Variants in TRPM3 observed in about 807,000 individuals in gnomAD.
TRPM3 encodes transient receptor potential cation channel subfamily M member 3.
Under a neutral mutation model 181.2 loss-of-function variants are expected in TRPM3, and 77 were observed. The ratio of observed to expected loss-of-function variants is 0.42; its 90% CI spans 0.35 to 0.51. The LOEUF is 0.51. TRPM3 is among the 20% of genes least tolerant of loss of function. The probability of loss-of-function intolerance (pLI) is 0.01; values close to 1 mark genes in which losing one functional copy is unlikely to be tolerated. For missense variants in TRPM3, 1,759 were observed against 2,196.7 expected, an observed-to-expected ratio of 0.80 and a Z score of 3.98; for synonymous variants, 745 against 796.4, an observed-to-expected ratio of 0.94 and a Z score of 1.09.
intron 1 of TRPM3, among the ~76,000 whole-genome samples, chr9:71,415,336 G>A (rs1588924095): frequency 6.6e-6 from 1 of 152,010 alleles, no homozygotes; most frequent in African/African-American, 2.4e-5. Flanking sequence ...TACTCAGTTT[G>A]TGGTTGTTGT....
At chr9:70,569,130 T>C (rs987721011) in intron 22 of TRPM3, among the ~76,000 whole-genome samples, 5 of 152,218 alleles carry the variant, frequency 3.3e-5, no homozygotes, top group African/African-American at 1.2e-4. Flanking sequence ...ATATCATTTA[T>C]ATTGTGTTGG....
rs200421016 is a variant in TRPM3 at position 71,279,034 on chromosome 9, T to TAAAAAA, written c.183+167618_183+167619insTTTTTT. On this transcript the variant is annotated intron_variant, in intron 1 of 24. Coordinates refer to the TRPM3 transcript ENST00000357533. ...CCTCACCAAACTTATCCTGCTTAGG[T>TAAAAAA]TAAAAAAAATAAAAATAAAAATAAA... 9.5e-4 allele frequency among the ~76,000 whole-genome samples: 45 copies of TAAAAAA among 47,560 alleles called. 3 individuals are homozygous for TAAAAAA. The highest frequency in any genetic ancestry group is 1.8e-3 in the African/African-American group (17 of 9,620). The allele number at this position is 47,560 out of a possible 152,430, so 31.2% of individuals were successfully genotyped here. A position where few individuals can be genotyped will look rare whatever the true frequency, so the allele number is the denominator to read the frequency against.
chr9:70,741,109 G>A (rs1432361518), intron 8 of TRPM3, among the ~76,000 whole-genome samples: 4 of 151,878 alleles, frequency 2.6e-5, no homozygotes, highest in East Asian at 1.9e-4. Context: ...AAACAAATCA[G>A]CAAGGAAAAA....
chr9:71,089,253 A>G (rs1046437118), intron 1 of TRPM3, among the ~76,000 whole-genome samples: 1 of 149,976 alleles, frequency 6.7e-6, no homozygotes, highest in Non-Finnish European at 1.5e-5. Flanking sequence ...ATAGTTTGCT[A>G]TATAGTCTCT....
At chr9:70,538,868 G>T (rs2042500691) in intron 25 of TRPM3, among the ~76,000 whole-genome samples, 1 of 152,180 alleles carries the variant, frequency 6.6e-6, no homozygotes, top group African/African-American at 2.4e-5. Context: ...TAAGACAGAG[G>T]CCACATATTA....
intron 7 of TRPM3, among the ~76,000 whole-genome samples, chr9:70,770,247 C>T (rs778272962): frequency 1.3e-5 from 2 of 152,124 alleles, no homozygotes; most frequent in Non-Finnish European, 2.9e-5. Context: ...ATATTTGGTT[C>T]TATTTCTGGA....
chr9:70,675,582 A>G (rs536204816), intron 9 of TRPM3, among the ~76,000 whole-genome samples: 1 of 152,352 alleles, frequency 6.6e-6, no homozygotes, highest in South Asian at 2.1e-4. Flanking sequence ...AAATAATTGT[A>G]TGAGTTCATA....
intron 1 of TRPM3, among the ~76,000 whole-genome samples, chr9:71,378,836 A>G (rs1317069160): frequency 6.6e-6 from 1 of 152,078 alleles, no homozygotes; most frequent in East Asian, 1.9e-4. Context: ...TATACTAAAT[A>G]CTATTACAGC....
chr9:70,800,108 T>C (rs915705355), intron 6 of TRPM3, among the ~76,000 whole-genome samples: 2 of 152,174 alleles, frequency 1.3e-5, no homozygotes, highest in Non-Finnish European at 2.9e-5. Context: ...CAAGTACAAA[T>C]ATGACTTTCT....
chr9:71,300,604 G>T (rs191445641), intron 1 of TRPM3, among the ~76,000 whole-genome samples: 42 of 152,134 alleles, frequency 2.8e-4, no homozygotes, highest in African/African-American at 9.9e-4. Context: ...TTTTAAAGAT[G>T]ATGCTGGTTT....
chr9:71,010,345 A>G (rs2134356437), intron 1 of TRPM3, among the ~76,000 whole-genome samples: 1 of 152,300 alleles, frequency 6.6e-6, no homozygotes, highest in South Asian at 2.1e-4. Flanking sequence ...ACAAGGGGTT[A>G]ATATCCAGAA....
chr9:71,182,069 C>A (rs542627511), intron 1 of TRPM3, among the ~76,000 whole-genome samples: 7 of 152,222 alleles, frequency 4.6e-5, no homozygotes, highest in East Asian at 1.9e-4. Flanking sequence ...TTGCACATAA[C>A]TCAGATGTCT....
At chr9:71,432,323 CTTTTTTTTTTTT>C (rs67905820) in intron 1 of TRPM3, among the ~76,000 whole-genome samples, 5 of 76,620 alleles carry the variant, frequency 6.5e-5, no homozygotes, top group Non-Finnish European at 1.0e-4. Context: ...AAAAGTAGGA[CTTTTTTTTTTTT>C]TTTTTTTTTT....
At chr9:71,012,408 T>TTG (rs535447215) in intron 1 of TRPM3, among the ~76,000 whole-genome samples, 189 of 102,252 alleles carry the variant, frequency 1.8e-3, no homozygotes, top group African/African-American at 7.4e-3. Flanking sequence ...TTTATAGTTG[T>TTG]TTTTTTTTTT....
At chr9:71,196,987 T>C (rs1389084001) in intron 1 of TRPM3, among the ~76,000 whole-genome samples, 5 of 152,030 alleles carry the variant, frequency 3.3e-5, no homozygotes, top group South Asian at 4.1e-4. Context: ...CATTTAACAT[T>C]AGGTATATCT....
intron 1 of TRPM3, among the ~76,000 whole-genome samples, chr9:70,909,022 A>T (rs1032824453): frequency 1.3e-5 from 2 of 152,240 alleles, no homozygotes; most frequent in Admixed American, 1.3e-4. Context: ...GTAATAAAGC[A>T]TCTTTATTTC....
intron 1 of TRPM3, among the ~76,000 whole-genome samples, chr9:71,150,620 G>T (rs1417552779): frequency 1.3e-5 from 2 of 152,096 alleles, no homozygotes; most frequent in African/African-American, 4.8e-5. Flanking sequence ...TATGAAGTCA[G>T]TATAATATGG....
intron 1 of TRPM3, among the ~76,000 whole-genome samples, chr9:70,981,329 T>C (rs1042792479): frequency 2.0e-5 from 3 of 152,244 alleles, no homozygotes; most frequent in Admixed American, 6.5e-5. Flanking sequence ...GAAAATTTCC[T>C]AATAAATTAT....
chr9:71,177,272 T>G (rs74864865), intron 1 of TRPM3, among the ~76,000 whole-genome samples: 3,198 of 152,192 alleles, frequency 0.021, 128 homozygotes, highest in African/African-American at 0.074. Context: ...GTTGTATAAT[T>G]ATTTCAATAT....
Sources: gnomAD v4.1 joint callset for allele counts (sites outside exome capture counted in the v4.1 genomes callset) on GRCh38, gnomAD v4.1.1 for gene constraint, MANE v1.5 for transcripts, NCBI Gene and HGNC (gene_info 2026-07-23, HGNC 2026-07-21) for gene names.